The following RELN variants were observed in gnomAD, a reference collection of about 807,000 sequenced individuals.
The protein encoded by RELN is reelin.
In RELN, 108 loss-of-function variants were observed where a neutral mutation model predicts 427.6. The observed-to-expected ratio is 0.25, with a 90% CI of 0.22 to 0.30. The LOEUF (loss-of-function observed/expected upper bound fraction) is 0.30, where lower values mean the gene tolerates loss of function less well. Ranked by LOEUF, RELN falls within the 10% of genes least tolerant of loss-of-function variation. The pLI, the probability that RELN is intolerant of heterozygous loss-of-function variation, is 1.00. For synonymous variants in RELN, 1,524 were observed against 1,513.4 expected (o/e 1.01, Z -0.16); for missense variants, 3,715 against 4,302.8 (o/e 0.86, Z 3.82).
chr7:103,783,531 AT>A (rs557740033), intron 3 of RELN, among the ~76,000 whole-genome samples: 56 of 152,032 alleles, frequency 3.7e-4, no homozygotes, highest in Middle Eastern at 3.4e-3. Flanking sequence ...AAGCCACAGA[AT>A]TTTTTTTCTG....
At chr7:103,588,391 A>C (rs1831328312) in intron 28 of RELN, among the ~76,000 whole-genome samples, 3 of 152,220 alleles carry the variant, frequency 2.0e-5, no homozygotes, top group Admixed American at 2.0e-4. Flanking sequence ...GAAGGCTACC[A>C]AGGGAGGGAG....
At chr7:103,638,173 C>T (rs1307316078) in intron 17 of RELN, among the ~76,000 whole-genome samples, 2 of 151,842 alleles carry the variant, frequency 1.3e-5, no homozygotes, top group African/African-American at 2.4e-5. Flanking sequence ...TCCTGACTCC[C>T]AATATGTCTG....
intron 3 of RELN, among the ~76,000 whole-genome samples, chr7:103,827,118 G>T (rs1793162392): frequency 6.7e-6 from 1 of 150,208 alleles, no homozygotes; most frequent in African/African-American, 2.5e-5. Flanking sequence ...ACAACTATTT[G>T]CTGCGGCATA....
chr7:103,893,880 G>A (rs1006070402), intron 2 of RELN, among the ~76,000 whole-genome samples: 1 of 152,122 alleles, frequency 6.6e-6, no homozygotes, highest in African/African-American at 2.4e-5. Flanking sequence ...TTGGTTAAGT[G>A]ATTCCCCATC....
chr7:103,839,544 T>C (rs1793501821), intron 2 of RELN, among the ~76,000 whole-genome samples: 1 of 152,128 alleles, frequency 6.6e-6, no homozygotes, highest in East Asian at 1.9e-4. Flanking sequence ...TGCCCTGATA[T>C]GACTTGAGCT....
chr7:103,892,025 T>G (rs1794861478), intron 2 of RELN, among the ~76,000 whole-genome samples: 1 of 152,204 alleles, frequency 6.6e-6, no homozygotes, highest in Non-Finnish European at 1.5e-5. Context: ...CTGTCCCATC[T>G]AGAACTGTAT....
intron 1 of RELN, among the ~76,000 whole-genome samples, chr7:103,981,862 T>C (rs574758664): frequency 6.6e-6 from 1 of 152,322 alleles, no homozygotes; most frequent in Admixed American, 6.5e-5. Flanking sequence ...ATCAGTTTTA[T>C]CAAGAGTCTT....
At chr7:103,743,908 C>A (rs1374590763) in intron 6 of RELN, among the ~76,000 whole-genome samples, 1 of 152,140 alleles carries the variant, frequency 6.6e-6, no homozygotes, top group African/African-American at 2.4e-5. Context: ...ATGCACCAAG[C>A]AGACCTAATA....
intron 3 of RELN, among the ~76,000 whole-genome samples, chr7:103,810,373 G>A (rs1023593118): frequency 3.3e-5 from 5 of 152,076 alleles, no homozygotes; most frequent in Non-Finnish European, 4.4e-5. Flanking sequence ...CTTCTTTTCA[G>A]TTCAAGGCCC....
chr7:103,765,585 CTG>C (rs1386237116), intron 4 of RELN, among the ~76,000 whole-genome samples: 1 of 152,122 alleles, frequency 6.6e-6, no homozygotes, highest in Non-Finnish European at 1.5e-5. Flanking sequence ...GATTAATAAA[CTG>C]GATGAAATAA....
chr7:103,751,434 A>C (rs887904095), intron 5 of RELN, among the ~76,000 whole-genome samples: 4 of 152,234 alleles, frequency 2.6e-5, no homozygotes, highest in African/African-American at 9.6e-5. Flanking sequence ...CACGTAATGA[A>C]GTCATGGAAA....
chr7:103,944,434 G>A (rs1796179363), intron 1 of RELN, among the ~76,000 whole-genome samples: 1 of 152,116 alleles, frequency 6.6e-6, no homozygotes, highest in Non-Finnish European at 1.5e-5. Context: ...TGCAGGCCCA[G>A]AGACAGCCAA....
intron 3 of RELN, among the ~76,000 whole-genome samples, chr7:103,791,545 G>A (rs1792161680): frequency 6.6e-6 from 1 of 152,014 alleles, no homozygotes; most frequent in Non-Finnish European, 1.5e-5. Context: ...AAAGAATGAG[G>A]TTAGACCTCT....
At chr7:103,581,773 C>T (rs1831155726) in intron 28 of RELN, among the ~76,000 whole-genome samples, 2 of 151,884 alleles carry the variant, frequency 1.3e-5, no homozygotes, top group Admixed American at 1.3e-4. Context: ...GTTACTTTTC[C>T]TCTCTTGGAA....
At chr7:103,866,602 GA>G (rs1390704657) in intron 2 of RELN, among the ~76,000 whole-genome samples, 5 of 151,922 alleles carry the variant, frequency 3.3e-5, no homozygotes, top group Admixed American at 3.3e-4. Flanking sequence ...TAAATCAAAA[GA>G]ATAGGTGTTG....
At chr7:103,536,909 G>A (rs1830065417) in intron 45 of RELN, among the ~76,000 whole-genome samples, 1 of 152,182 alleles carries the variant, frequency 6.6e-6, no homozygotes, top group South Asian at 2.1e-4. Context: ...GTGATGAGCA[G>A]TATAGACACA....
At chr7:103,590,932 G>T (rs1355716762) in intron 27 of RELN, among the ~76,000 whole-genome samples, 1 of 152,046 alleles carries the variant, frequency 6.6e-6, no homozygotes, top group African/African-American at 2.4e-5. Flanking sequence ...TCTTTGATTT[G>T]TCATCACCAG....
At chr7:103,657,328 A>G (rs1407018371) in intron 12 of RELN, among the ~76,000 whole-genome samples, 1 of 152,056 alleles carries the variant, frequency 6.6e-6, no homozygotes, top group East Asian at 1.9e-4. Flanking sequence ...ATCCACGTGA[A>G]AATGAAATTC....
intron 2 of RELN, among the ~76,000 whole-genome samples, chr7:103,863,630 G>A (rs574128079): frequency 6.6e-6 from 1 of 152,182 alleles, no homozygotes; most frequent in African/African-American, 2.4e-5. Flanking sequence ...AAAAGCTTTG[G>A]AATGGGGCTG....
Sources: gnomAD v4.1 joint callset for allele counts (sites outside exome capture counted in the v4.1 genomes callset) on GRCh38, gnomAD v4.1.1 for gene constraint, MANE v1.5 for transcripts, NCBI Gene and HGNC (gene_info 2026-07-23, HGNC 2026-07-21) for gene names.